The following AP4S1 variants were observed in gnomAD, a reference collection of about 807,000 sequenced individuals.
AP4S1 encodes the protein adaptor related protein complex 4 subunit sigma 1.
A neutral mutation model predicts 19.8 loss-of-function variants in AP4S1; 23 were observed. That is an observed-to-expected ratio of 1.16 (90% CI 0.84 to 1.65). The LOEUF (loss-of-function observed/expected upper bound fraction) is 1.65, where lower values mean the gene tolerates loss of function less well. Among genes scored for constraint, AP4S1 ranks in the 40% most tolerant of loss-of-function variants. AP4S1 has a pLI of 0.00. For missense variants in AP4S1, 166 were observed against 172.8 expected (o/e 0.96, Z 0.22); for synonymous variants, 46 against 54.1 (o/e 0.85, Z 0.66).
At chr14:31,038,498 G>A (rs1884905764) in intron 1 of AP4S1, among the ~76,000 whole-genome samples, 1 of 152,138 alleles carries the variant, frequency 6.6e-6, no homozygotes. Flanking sequence ...GGTACAAAAG[G>A]TTGGATTTAA....
chr14:31,089,176 A>G (rs1010433686), intron 5 of AP4S1, among the ~76,000 whole-genome samples: 1 of 152,030 alleles, frequency 6.6e-6, no homozygotes, highest in African/African-American at 2.4e-5. Context: ...AAAAAAAAAA[A>G]AAAAAGTGAA....
intron 1 of AP4S1, among the ~76,000 whole-genome samples, chr14:31,042,214 T>G (rs1885151319): frequency 6.6e-6 from 1 of 152,254 alleles, no homozygotes; most frequent in Non-Finnish European, 1.5e-5. Flanking sequence ...AATTTTATTT[T>G]GATTTTGAAA....
chr14:31,027,951 C>G (rs1047449030), intron 1 of AP4S1, among the ~76,000 whole-genome samples: 4 of 151,974 alleles, frequency 2.6e-5, no homozygotes, highest in African/African-American at 9.7e-5. Flanking sequence ...CTGCAAAAGC[C>G]AATAAAACTT....
At chr14:31,090,927 A>G (rs1450059408) in intron 5 of AP4S1, among the ~76,000 whole-genome samples, 1 of 152,260 alleles carries the variant, frequency 6.6e-6, no homozygotes, top group Non-Finnish European at 1.5e-5. Context: ...AGATACACAG[A>G]TACACAGGCA....
In AP4S1 at chr14:31,093,206, T is replaced by G. The variant is rs1888122471; in HGVS notation, c.*171T>G. ...ACAGTTCCTAAAAAGAAAACACAAC[T>G]GTACTTTAAAATATGTACAAAGAAA... On this transcript the variant is annotated 3_prime_UTR_variant, in exon 6 of 6. Transcript: ENST00000542754. The G allele has an allele frequency of 1.7e-6, 1 of 593,956 alleles. No individual in the cohort carries two copies. The highest frequency in any genetic ancestry group is 2.6e-6 in the Non-Finnish European group (1 of 378,170). The allele number at this position is 593,956 out of a possible 1,614,324, so 36.8% of individuals were successfully genotyped here. A position where few individuals can be genotyped will look rare whatever the true frequency, so the allele number is the denominator to read the frequency against.
intron 5 of AP4S1, among the ~76,000 whole-genome samples, chr14:31,084,254 C>T (rs1594712584): frequency 6.6e-6 from 1 of 152,198 alleles, no homozygotes; most frequent in South Asian, 2.1e-4. Context: ...AAGTCAAAAC[C>T]TGATCAATTC....
At chr14:31,081,767 A>G (rs1887649588) in intron 5 of AP4S1, among the ~76,000 whole-genome samples, 1 of 151,730 alleles carries the variant, frequency 6.6e-6, no homozygotes, top group South Asian at 2.1e-4. Flanking sequence ...TACGTGCACA[A>G]ACACACAGGC....
At chr14:31,072,603 C>A (rs919748558) in intron 3 of AP4S1, among the ~76,000 whole-genome samples, 1 of 151,392 alleles carries the variant, frequency 6.6e-6, no homozygotes, top group African/African-American at 2.4e-5. Context: ...ACTCCTGGCC[C>A]CAAGCCATCC....
intron 1 of AP4S1, among the ~76,000 whole-genome samples, chr14:31,050,848 C>T (rs1452153598): frequency 6.6e-6 from 1 of 152,164 alleles, no homozygotes; most frequent in African/African-American, 2.4e-5. Context: ...ATCTTATTTC[C>T]TTAATCTTCT....
chr14:31,047,638 G>A (rs1022702250), intron 1 of AP4S1, among the ~76,000 whole-genome samples: 83 of 151,846 alleles, frequency 5.5e-4, no homozygotes, highest in African/African-American at 1.8e-3. Flanking sequence ...CTTGTGATTC[G>A]CCCGCCTCAG....
chr14:31,038,199 T>C (rs919393270), intron 1 of AP4S1, among the ~76,000 whole-genome samples: 1 of 152,108 alleles, frequency 6.6e-6, no homozygotes, highest in East Asian at 1.9e-4. Context: ...GTGGAAAGAG[T>C]GATTAGCTCA....
At chr14:31,066,796 T>C (rs539480004) in intron 2 of AP4S1, among the ~76,000 whole-genome samples, 2 of 152,268 alleles carry the variant, frequency 1.3e-5, no homozygotes, top group African/African-American at 2.4e-5. Flanking sequence ...AATCGGGTGG[T>C]TTTATTCTGC....
At chr14:31,026,270 G>C in intron 1 of AP4S1, 2 of 1,313,484 alleles carry the variant, frequency 1.5e-6, no homozygotes, top group South Asian at 3.9e-5. Context: ...CGCTGGCTGC[G>C]GGGCGGAGGC....
At chr14:31,052,522 C>T (rs964870587) in intron 1 of AP4S1, among the ~76,000 whole-genome samples, 2 of 151,802 alleles carry the variant, frequency 1.3e-5, no homozygotes, top group Admixed American at 1.3e-4. Flanking sequence ...GTCAGGAGTT[C>T]GAGACCAGCC....
At position 31,096,089 on chromosome 14, in the gene AP4S1, CAAAAAAAAAAA is replaced by C. The variant is rs768539772; in HGVS notation, c.*3066_*3076del. ...CTGGGCACAGAGTGAGATTCCGTCT[CAAAAAAAAAAA>C]AAAAAAAAAAAGTAGAAAGCAAGAA... On this transcript the variant is annotated 3_prime_UTR_variant, in exon 6 of 6. Coordinates refer to ENST00000542754, the MANE Select transcript of AP4S1 (RefSeq NM_001128126.3). The C allele has an allele frequency of 3.2e-4, 22 of 69,442 alleles. No individual in the cohort carries two copies. The highest frequency in any genetic ancestry group is 1.2e-3 in the Admixed American group (7 of 5,928). The allele number at this position is 69,442 out of a possible 1,614,324, so 4.3% of individuals were successfully genotyped here.
At chr14:31,068,132 T>A (rs6571388) in intron 2 of AP4S1, among the ~76,000 whole-genome samples, 118,509 of 151,764 alleles carry the variant, frequency 0.78, 46,479 homozygotes, top group Admixed American at 0.82. Flanking sequence ...CCTCCTAAAG[T>A]GCTGGGATTA....
chr14:31,058,541 G>C (rs879389526), intron 1 of AP4S1, among the ~76,000 whole-genome samples: 15,847 of 59,664 alleles, frequency 0.27, 1,172 homozygotes, highest in Non-Finnish European at 0.37. Flanking sequence ...GTGTGTGTGT[G>C]TGTGTGTGTG....
chr14:31,048,753 A>G lies in AP4S1; in HGVS notation c.-71-17373A>G, dbSNP rs559923219. Among the ~76,000 whole-genome samples the G allele has an allele frequency of 5.3e-5, 8 of 152,008 alleles. No individual in the cohort carries two copies. In the South Asian group the frequency reaches 1.7e-3, roughly 32 times the overall value. On this transcript the variant is annotated intron_variant, in intron 1 of 5. Transcript: ENST00000542754. ...CTCTGTCTCCAAAACAAAAAAACAA[A>G]TCTAGCCACGTGCTGGTAAGTGCTT... is the stretch of plus-strand genomic sequence containing the variant.
intron 1 of AP4S1, among the ~76,000 whole-genome samples, chr14:31,030,740 ATC>A (rs1884341738): frequency 6.6e-6 from 1 of 152,078 alleles, no homozygotes; most frequent in South Asian, 2.1e-4. Flanking sequence ...CAGACACGTA[ATC>A]TCTGCCTTCA....
Sources: gnomAD v4.1 joint callset for allele counts (sites outside exome capture counted in the v4.1 genomes callset) on GRCh38, gnomAD v4.1.1 for gene constraint, MANE v1.5 for transcripts, NCBI Gene and HGNC (gene_info 2026-07-23, HGNC 2026-07-21) for gene names.